Variants in ADAMTS19 observed in about 807,000 individuals in gnomAD.
ADAMTS19 encodes ADAM metallopeptidase with thrombospondin type 1 motif 19.
In ADAMTS19, 93 loss-of-function variants were observed where a neutral mutation model predicts 153.3. That is an observed-to-expected ratio of 0.61 (90% CI 0.51 to 0.72). ADAMTS19 has a LOEUF of 0.72. ADAMTS19 is among the 30% of genes least tolerant of loss of function. ADAMTS19 has a pLI of 0.00. For synonymous variants in ADAMTS19, 600 were observed against 556.6 expected (o/e 1.08, Z -1.10); for missense variants, 1,482 against 1,552.1 (o/e 0.95, Z 0.76).
intron 7 of ADAMTS19, 99 bp from the exon 8 acceptor site, chr5:129,596,460 A>T: frequency 1.3e-6 from 1 of 791,860 alleles, no homozygotes; most frequent in Non-Finnish European, 2.0e-6. Context: ...CTGACATTTT[A>T]GTCGTGACAA....
intron 2 of ADAMTS19, among the ~76,000 whole-genome samples, chr5:129,481,360 T>C (rs964423420): frequency 6.6e-6 from 1 of 152,104 alleles, no homozygotes; most frequent in Non-Finnish European, 1.5e-5. Flanking sequence ...CCACCCCCCA[T>C]GATCTAATCA....
chr5:129,661,346 G>A (rs1753806409), intron 15 of ADAMTS19, among the ~76,000 whole-genome samples: 1 of 152,146 alleles, frequency 6.6e-6, no homozygotes, highest in Admixed American at 6.6e-5. Context: ...ATTTGTATAA[G>A]TTTCAATTTT....
chr5:129,527,961 A>G (rs974404908), intron 5 of ADAMTS19, 130 bp downstream of exon 5: 5 of 533,466 alleles, frequency 9.4e-6, no homozygotes, highest in African/African-American at 5.9e-5. Flanking sequence ...TAAAGTATAC[A>G]TAAAACTGGC....
rs749787866 is a variant in ADAMTS19, at chr5:129,647,853, C to A, written c.1961C>A (p.Thr654Asn). 1.2e-6 allele frequency: 2 copies of A among 1,614,028 alleles called. No individual in the cohort carries two copies. Among genetic ancestry groups the A allele is most frequent in the Non-Finnish European group, 1.7e-6 (2 of 1,179,982 alleles). ...EWSLWSPCSR[T>N]CSAGISSRER... ...AGCCTGTGGAGTCCTTGTAGCCGAA[C>A]CTGCAGTGCTGGGATCAGCAGTCGA... Residue 654 changes from threonine (T) to asparagine (N), a missense_variant, in exon 12 of 23, where the codon ACC becomes AAC. Thr to Asn is a moderately conservative substitution (Grantham distance 65, BLOSUM62 0). This residue lies in a region of ADAMTS19 where 616 missense variants were observed against 724.4 expected (regional missense o/e 0.85). Transcript: ENST00000274487.
chr5:129,692,930 G>A (rs996428080), intron 18 of ADAMTS19, among the ~76,000 whole-genome samples: 1 of 152,080 alleles, frequency 6.6e-6, no homozygotes, highest in African/African-American at 2.4e-5. Flanking sequence ...CCTATATGGA[G>A]CTCCCATAGA....
At chr5:129,730,576 G>A (rs1448052583) in intron 21 of ADAMTS19, among the ~76,000 whole-genome samples, 1 of 152,022 alleles carries the variant, frequency 6.6e-6, no homozygotes, top group Non-Finnish European at 1.5e-5. Context: ...TACCACATAA[G>A]TAGTACCATG....
At chr5:129,642,033 A>G in intron 11 of ADAMTS19, 73 bp downstream of exon 11, 1 of 864,840 alleles carries the variant, frequency 1.2e-6, no homozygotes, top group South Asian at 2.1e-5. Context: ...TTTCTCTGCC[A>G]GTTACATTTG....
At chr5:129,540,207 A>G (rs73787551) in intron 6 of ADAMTS19, among the ~76,000 whole-genome samples, 7,228 of 152,148 alleles carry the variant, frequency 0.048, 537 homozygotes, top group African/African-American at 0.16. Flanking sequence ...GGTTATGTGC[A>G]TACATTAATA....
intron 15 of ADAMTS19, 109 bp downstream of exon 15, chr5:129,658,846 G>T (rs971862598): frequency 2.6e-6 from 3 of 1,163,778 alleles, no homozygotes; most frequent in Non-Finnish European, 3.5e-6. Context: ...TTGAAGACTT[G>T]CAATGGGTAT....
At chr5:129,734,277 T>C (rs1384615047) in intron 21 of ADAMTS19, among the ~76,000 whole-genome samples, 1 of 151,860 alleles carries the variant, frequency 6.6e-6, no homozygotes, top group Non-Finnish European at 1.5e-5. Flanking sequence ...TTTTGCTATA[T>C]ATCTATCCCC....
chr5:129,535,548 T>C (rs1341679210), intron 6 of ADAMTS19, among the ~76,000 whole-genome samples: 1 of 152,110 alleles, frequency 6.6e-6, no homozygotes, highest in African/African-American at 2.4e-5. Context: ...CTTCACAGAA[T>C]TGGAAAAAGC....
intron 7 of ADAMTS19, among the ~76,000 whole-genome samples, chr5:129,562,114 T>C (rs980049266): frequency 3.3e-5 from 5 of 152,194 alleles, no homozygotes; most frequent in Non-Finnish European, 7.3e-5. Flanking sequence ...GTTTGTCACT[T>C]ATTATTTCAG....
chr5:129,711,570 G>T (rs895323739), intron 21 of ADAMTS19, among the ~76,000 whole-genome samples: 1 of 152,058 alleles, frequency 6.6e-6, no homozygotes, highest in African/African-American at 2.4e-5. Flanking sequence ...CCAGCTCCTG[G>T]GTAGGCTGAG....
At chr5:129,641,766 T>G (rs1752795779) in intron 10 of ADAMTS19, 93 bp from the exon 11 acceptor site, 1 of 647,278 alleles carries the variant, frequency 1.5e-6, no homozygotes, top group Non-Finnish European at 2.5e-6. Context: ...TAATTTTTGT[T>G]ATTCTATCAA....
intron 6 of ADAMTS19, among the ~76,000 whole-genome samples, chr5:129,551,103 C>T (rs1753075537): frequency 6.6e-6 from 1 of 151,620 alleles, no homozygotes; most frequent in South Asian, 2.1e-4. Context: ...CTACCTCTAT[C>T]TTTATGATGA....
At chr5:129,615,546 G>T (rs1050635292) in intron 8 of ADAMTS19, among the ~76,000 whole-genome samples, 2 of 151,878 alleles carry the variant, frequency 1.3e-5, no homozygotes, top group Admixed American at 1.3e-4. Context: ...GATGCAAGTG[G>T]TTCATTATTA....
chr5:129,538,579 A>T (rs1752542947), intron 6 of ADAMTS19, among the ~76,000 whole-genome samples: 1 of 152,086 alleles, frequency 6.6e-6, no homozygotes, highest in African/African-American at 2.4e-5. Flanking sequence ...AATTCTATTA[A>T]AAGGAAAAGA....
intron 8 of ADAMTS19, among the ~76,000 whole-genome samples, chr5:129,610,867 T>C (rs913804027): frequency 1.7e-4 from 26 of 152,348 alleles, no homozygotes; most frequent in South Asian, 1.4e-3. Context: ...ATCGCCACAC[T>C]GTCTTCCACA....
chr5:129,511,005 C>G (rs901343386), intron 3 of ADAMTS19, among the ~76,000 whole-genome samples: 1 of 151,452 alleles, frequency 6.6e-6, no homozygotes, highest in African/African-American at 2.4e-5. Flanking sequence ...TTTTTGAGGG[C>G]TCAGAATTTT....
Sources: gnomAD v4.1 joint callset for allele counts (sites outside exome capture counted in the v4.1 genomes callset) on GRCh38, gnomAD v4.1.1 for gene constraint, gnomAD v4.1.1 regional missense constraint, MANE v1.5 for transcripts, NCBI Gene and HGNC (gene_info 2026-07-23, HGNC 2026-07-21) for gene names.